The following COL5A2 variants were observed in gnomAD, a reference collection of about 807,000 sequenced individuals.
COL5A2 encodes the protein collagen alpha-2(V) chain.
COL5A2 carries 23 observed loss-of-function variants against 208.2 expected under a neutral mutation model. That is an observed-to-expected ratio of 0.11 (90% CI 0.08 to 0.16). The LOEUF (loss-of-function observed/expected upper bound fraction) is 0.16, where lower values mean the gene tolerates loss of function less well. COL5A2 is among the 10% of genes least tolerant of loss of function. The pLI is 1.00. For synonymous variants in COL5A2, 625 were observed against 628.5 expected (o/e 0.99, Z 0.08); for missense variants, 1,590 against 1,956.4 (o/e 0.81, Z 3.53).
intron 5 of COL5A2, among the ~76,000 whole-genome samples, chr2:189,098,334 A>G (rs1686964553): frequency 6.6e-6 from 1 of 152,208 alleles, no homozygotes; most frequent in African/African-American, 2.4e-5. Context: ...CTGCTGTATG[A>G]TTTCTCAAAT....
chr2:189,227,959 A>G, upstream of COL5A2, among the ~76,000 whole-genome samples: 1 of 152,020 alleles, frequency 6.6e-6, no homozygotes, highest in Non-Finnish European at 1.5e-5. Context: ...CTAATTTATA[A>G]GATTGAAATC....
intron 12 of COL5A2, 65 bp downstream of exon 12, chr2:189,083,918 GA>G (rs1468825551): frequency 4.2e-6 from 5 of 1,182,434 alleles, no homozygotes; most frequent in Non-Finnish European, 6.3e-6. Context: ...TGCATACAGA[GA>G]ATTGTGATTT....
chr2:189,363,909 C>A, the COL5A2 span, among the ~76,000 whole-genome samples: 3 of 152,308 alleles, frequency 2.0e-5, no homozygotes, highest in Admixed American at 6.5e-5. Flanking sequence ...GTTGACCCAC[C>A]TGTCATGTAG....
chr2:189,039,864 T>C (rs1685521871), intron 50 of COL5A2, among the ~76,000 whole-genome samples: 1 of 152,162 alleles, frequency 6.6e-6, no homozygotes. Context: ...ACATATTTTA[T>C]GTTAATAGCA....
In COL5A2 at chr2:189,067,900, C is replaced by T. The variant is rs1402236996; in HGVS notation, c.1401+115G>A. On this transcript the variant is annotated intron_variant, in intron 21 of 53. Transcript: ENST00000374866. ...CACTTCACAAAGACTCCCATCTTCC[C>T]ACATTTGGATAAGTCACGTTATCTA... 6.8e-6 allele frequency: 6 copies of T among 880,454 alleles called. No individual in the cohort carries two copies. The South Asian group carries it at 8.4e-5, about 12-fold the overall frequency. 54.5% of individuals were successfully genotyped at this position (880,454 alleles called of 1,614,324 possible).
chr2:189,127,226 A>T (rs182267740), intron 1 of COL5A2, among the ~76,000 whole-genome samples: 1 of 152,224 alleles, frequency 6.6e-6, no homozygotes, highest in East Asian at 1.9e-4. Context: ...TTGAGTGGTT[A>T]AAAAGGGACA....
chr2:189,253,751 GT>G, the COL5A2 span, among the ~76,000 whole-genome samples: 5 of 152,090 alleles, frequency 3.3e-5, no homozygotes, highest in Admixed American at 1.3e-4. Flanking sequence ...CACCAAACAT[GT>G]TTTTTTCACC....
the COL5A2 span, among the ~76,000 whole-genome samples, chr2:189,370,752 A>C: frequency 3.9e-5 from 6 of 152,146 alleles, no homozygotes; most frequent in Non-Finnish European, 7.4e-5. Flanking sequence ...CCTTTATAGG[A>C]TTTATTCAGT....
chr2:189,071,184 C>A (rs1177697430), intron 18 of COL5A2, among the ~76,000 whole-genome samples: 1 of 152,148 alleles, frequency 6.6e-6, no homozygotes, highest in African/African-American at 2.4e-5. Context: ...TAATCCTCAA[C>A]AAAATTCCAT....
the COL5A2 span, among the ~76,000 whole-genome samples, chr2:189,345,477 C>T: frequency 1.3e-5 from 2 of 151,968 alleles, no homozygotes; most frequent in Non-Finnish European, 2.9e-5. Context: ...GGTCACAAGA[C>T]CAGGAGCAGA....
chr2:189,430,853 A>G, the COL5A2 span, among the ~76,000 whole-genome samples: 1,954 of 152,296 alleles, frequency 0.013, 53 homozygotes, highest in African/African-American at 0.044. Context: ...CTCTGAGAAC[A>G]GACAGACTGC....
intron 18 of COL5A2, among the ~76,000 whole-genome samples, chr2:189,070,974 G>C (rs1258138365): frequency 2.6e-5 from 4 of 152,202 alleles, no homozygotes; most frequent in African/African-American, 9.6e-5. Flanking sequence ...TCATTAGAGA[G>C]AGCCTACAGA....
the COL5A2 span, among the ~76,000 whole-genome samples, chr2:189,361,930 A>C: frequency 6.6e-6 from 1 of 152,084 alleles, no homozygotes; most frequent in South Asian, 2.1e-4. Flanking sequence ...ATTTTGACTT[A>C]CTGATGTTTC....
chr2:189,411,568 T>C, the COL5A2 span, among the ~76,000 whole-genome samples: 5 of 152,174 alleles, frequency 3.3e-5, no homozygotes, highest in African/African-American at 1.2e-4. Context: ...CAGATGTCGG[T>C]AGACTTTCAA....
intron 1 of COL5A2, among the ~76,000 whole-genome samples, chr2:189,113,550 T>C (rs1167414073): frequency 2.0e-5 from 3 of 149,756 alleles, no homozygotes; most frequent in African/African-American, 7.3e-5. Flanking sequence ...ATGTATGTTT[T>C]ATATATATAA....
intron 17 of COL5A2, among the ~76,000 whole-genome samples, chr2:189,073,074 G>A (rs1437444586): frequency 1.3e-5 from 2 of 151,934 alleles, no homozygotes; most frequent in African/African-American, 2.4e-5. Context: ...AAGATCCTTG[G>A]GGCAAATGAT....
In COL5A2 at chr2:189,097,259, G is replaced by A. The variant is rs887004952; in HGVS notation, c.456+18C>T. ...ACTGGCTGTACGTTCCCCACAAGGA[G>A]CCCTCCTGTCAACTTACAGGTCTTC... On this transcript the variant is annotated intron_variant, in intron 6 of 53. Coordinates refer to ENST00000374866, the MANE Select transcript of COL5A2 (RefSeq NM_000393.5). 6.2e-7 allele frequency: 1 copy of A among 1,613,594 alleles called. No homozygotes were observed. Among genetic ancestry groups the A allele is most frequent in the Non-Finnish European group, 8.5e-7 (1 of 1,179,538 alleles).
intron 1 of COL5A2, among the ~76,000 whole-genome samples, chr2:189,198,394 G>C (rs961525348): frequency 3.3e-5 from 5 of 152,122 alleles, no homozygotes; most frequent in Admixed American, 3.3e-4. Flanking sequence ...ATAAGCAAAA[G>C]ATCTTATAAA....
rs549437162 is a variant in COL5A2, at chr2:189,138,346, A to G, written c.98-27897T>C. Among the ~76,000 whole-genome samples, 4 of 152,070 alleles carry G rather than the reference A, an allele frequency of 2.6e-5. No homozygotes were observed. The South Asian group carries it at 8.3e-4, about 32-fold the overall frequency. On this transcript the variant is annotated intron_variant, in intron 1 of 53. Coordinates refer to ENST00000374866, the MANE Select transcript of COL5A2 (RefSeq NM_000393.5). ...TTATCTTACTTATTAATATGTCTTG[A>G]TTTGCTTCTGTTTATATATCACATA... is the stretch of plus-strand genomic sequence containing the variant.
Sources: allele counts gnomAD v4.1 joint callset (sites outside exome capture counted in the v4.1 genomes callset), GRCh38; gene constraint gnomAD v4.1.1; transcripts MANE v1.5; gene names NCBI Gene and HGNC (gene_info 2026-07-23, HGNC 2026-07-21).